The following TIAM1 variants were observed in gnomAD, a reference collection of about 807,000 sequenced individuals.
The protein encoded by TIAM1 is TIAM Rac1 associated GEF 1.
In TIAM1, 65 loss-of-function variants were observed where a neutral mutation model predicts 163.5. That is an observed-to-expected ratio of 0.40 (90% CI 0.33 to 0.49). The LOEUF is 0.49. Ranked by LOEUF, TIAM1 falls within the 20% of genes least tolerant of loss-of-function variation. The pLI is 0.77. For synonymous variants in TIAM1, 833 were observed against 810.1 expected, an observed-to-expected ratio of 1.03 and a Z score of -0.48; for missense variants, 1,789 against 2,044.7, an observed-to-expected ratio of 0.87 and a Z score of 2.41.
At chr21:31,358,725 A>G (rs903966587) in intron 2 of TIAM1, among the ~76,000 whole-genome samples, 1 of 152,054 alleles carries the variant, frequency 6.6e-6, no homozygotes, top group Non-Finnish European at 1.5e-5. Context: ...CCGAGCCACC[A>G]TTCTCTACTA....
intron 2 of TIAM1, among the ~76,000 whole-genome samples, chr21:31,430,271 CACATAT>C (rs1393122562): frequency 7.2e-5 from 10 of 139,158 alleles, no homozygotes; most frequent in African/African-American, 3.0e-4. Context: ...CACACACACA[CACATAT>C]ATATATATAT....
At position 31,516,365 on chromosome 21, in the gene TIAM1, T is replaced by A. The variant is rs558655093; in HGVS notation, c.-422+42562A>T. On this transcript the variant is annotated intron_variant, in intron 1 of 28. Coordinates refer to the TIAM1 transcript ENST00000286827. ...AGGTGGAGGTTGCACTGAGCTGAGA[T>A]CTCGCCACTGCACTCCAGTCTGGGT... is the stretch of plus-strand genomic sequence containing the variant. Among the ~76,000 whole-genome samples, 15 of 152,104 alleles carry A rather than the reference T, an allele frequency of 9.9e-5. No individual in the cohort carries two copies. In the South Asian group the frequency reaches 1.5e-3, roughly 15 times the overall value.
intron 20 of TIAM1, among the ~76,000 whole-genome samples, chr21:31,142,974 G>T (rs1173755636): frequency 3.3e-5 from 5 of 152,194 alleles, no homozygotes; most frequent in Non-Finnish European, 7.3e-5. Context: ...GAATGTCAGG[G>T]GAGGGCAAAA....
chr21:31,221,324 A>G (rs552657577), intron 8 of TIAM1, among the ~76,000 whole-genome samples: 4 of 152,364 alleles, frequency 2.6e-5, no homozygotes, highest in Admixed American at 6.5e-5. Flanking sequence ...CCAGACTTGT[A>G]TCACTGACAA....
chr21:31,491,504 G>A (rs1006457471), intron 1 of TIAM1, among the ~76,000 whole-genome samples: 2 of 152,168 alleles, frequency 1.3e-5, no homozygotes, highest in Non-Finnish European at 2.9e-5. Context: ...AGGCGACCAG[G>A]ACCTTCACGA....
At chr21:31,387,334 T>C (rs529758239) in intron 2 of TIAM1, among the ~76,000 whole-genome samples, 2 of 150,686 alleles carry the variant, frequency 1.3e-5, no homozygotes, top group South Asian at 4.3e-4. Flanking sequence ...CCAATTCTCC[T>C]GACTCAGCCT....
intron 22 of TIAM1, among the ~76,000 whole-genome samples, chr21:31,139,870 TGTAG>T (rs1040980188): frequency 1.9e-4 from 29 of 152,180 alleles, no homozygotes; most frequent in Non-Finnish European, 3.8e-4. Context: ...CTTTGTAAAG[TGTAG>T]GTAACAGACA....
At chr21:31,479,693 A>T (rs1260131161) in intron 1 of TIAM1, among the ~76,000 whole-genome samples, 1 of 152,134 alleles carries the variant, frequency 6.6e-6, no homozygotes, top group East Asian at 1.9e-4. Context: ...CCACTGAAGG[A>T]AGTGAAAAAG....
intron 2 of TIAM1, among the ~76,000 whole-genome samples, chr21:31,382,394 T>G (rs2076793763): frequency 6.6e-6 from 1 of 152,230 alleles, no homozygotes; most frequent in Admixed American, 6.5e-5. Context: ...AATTGTGTAT[T>G]TTGACCAAGG....
At chr21:31,516,147 C>T (rs962606632) in intron 1 of TIAM1, among the ~76,000 whole-genome samples, 2 of 150,814 alleles carry the variant, frequency 1.3e-5, no homozygotes, top group African/African-American at 4.9e-5. Context: ...CACAGTGGCT[C>T]ACACCTGTAA....
At chr21:31,518,245 C>T (rs950629253) in intron 1 of TIAM1, among the ~76,000 whole-genome samples, 3 of 152,014 alleles carry the variant, frequency 2.0e-5, no homozygotes. Flanking sequence ...CTTCTGGTCT[C>T]AGAACTTAAA....
intron 2 of TIAM1, among the ~76,000 whole-genome samples, chr21:31,410,484 AG>A (rs1485136245): frequency 1.8e-5 from 2 of 108,708 alleles, no homozygotes; most frequent in Admixed American, 1.1e-4. Flanking sequence ...CGACTGTGTA[AG>A]AGTGTGTGTG....
At chr21:31,152,530 G>T in intron 19 of TIAM1, 106 bp downstream of exon 19, 1 of 1,478,044 alleles carries the variant, frequency 6.8e-7, no homozygotes, top group South Asian at 1.3e-5. Flanking sequence ...ACACCCTTAG[G>T]AACAGACCCC....
chr21:31,541,282 C>T (rs1656405326), intron 1 of TIAM1, among the ~76,000 whole-genome samples: 1 of 152,048 alleles, frequency 6.6e-6, no homozygotes, highest in African/African-American at 2.4e-5. Context: ...CATGGCAAAA[C>T]CCCTTCTCTA....
chr21:31,189,533 G>A (rs1460865630), intron 13 of TIAM1, among the ~76,000 whole-genome samples: 4 of 152,138 alleles, frequency 2.6e-5, no homozygotes, highest in African/African-American at 9.7e-5. Context: ...TAGGAAAGAG[G>A]ATGGAAGAAA....
At chr21:31,152,535 G>C in intron 19 of TIAM1, 101 bp downstream of exon 19, 1 of 1,510,738 alleles carries the variant, frequency 6.6e-7, no homozygotes, top group Non-Finnish European at 9.0e-7. Context: ...CTTAGGAACA[G>C]ACCCCACTGT....
At chr21:31,207,687 T>G (rs1941963834) in intron 11 of TIAM1, among the ~76,000 whole-genome samples, 1 of 152,196 alleles carries the variant, frequency 6.6e-6, no homozygotes, top group African/African-American at 2.4e-5. Flanking sequence ...ATGGGTGCTT[T>G]TCCAAAGACC....
chr21:31,313,770 T>C (rs1483604934), intron 2 of TIAM1, among the ~76,000 whole-genome samples: 1 of 152,172 alleles, frequency 6.6e-6, no homozygotes, highest in African/African-American at 2.4e-5. Flanking sequence ...AGAGACGCGG[T>C]TTCACCATGT....
At chr21:31,423,311 G>T (rs899453140) in intron 2 of TIAM1, among the ~76,000 whole-genome samples, 3 of 151,814 alleles carry the variant, frequency 2.0e-5, no homozygotes, top group Admixed American at 6.6e-5. Flanking sequence ...TGTTAGCCAG[G>T]ATAGTCTCGA....
Sources: gnomAD v4.1 joint callset for allele counts (sites outside exome capture counted in the v4.1 genomes callset) on GRCh38, gnomAD v4.1.1 for gene constraint, MANE v1.5 for transcripts, NCBI Gene and HGNC (gene_info 2026-07-23, HGNC 2026-07-21) for gene names.